The following KCNIP4 variants were observed in gnomAD, a reference collection of about 807,000 sequenced individuals.
KCNIP4 encodes the protein potassium voltage-gated channel interacting protein 4.
A neutral mutation model predicts 34.0 loss-of-function variants in KCNIP4; 12 were observed. The ratio of observed to expected loss-of-function variants is 0.35; its 90% CI spans 0.23 to 0.57. The LOEUF (loss-of-function observed/expected upper bound fraction) is 0.57, where lower values mean the gene tolerates loss of function less well. Ranked by LOEUF, KCNIP4 falls within the 20% of genes least tolerant of loss-of-function variation. The probability of loss-of-function intolerance (pLI) is 0.83; values close to 1 mark genes in which losing one functional copy is unlikely to be tolerated. For synonymous variants in KCNIP4, 124 were observed against 102.2 expected, an observed-to-expected ratio of 1.21 and a Z score of -1.29; for missense variants, 238 against 311.7, an observed-to-expected ratio of 0.76 and a Z score of 1.78.
intron 1 of KCNIP4, among the ~76,000 whole-genome samples, chr4:21,435,813 G>C (rs1226887612): frequency 2.0e-5 from 3 of 152,000 alleles, no homozygotes; most frequent in Non-Finnish European, 4.4e-5. Context: ...TGTTATCAAC[G>C]ACTTCTACTG....
chr4:21,110,002 C>A (rs541957394), intron 1 of KCNIP4, among the ~76,000 whole-genome samples: 1 of 152,114 alleles, frequency 6.6e-6, no homozygotes, highest in Admixed American at 6.5e-5. Flanking sequence ...AGGGATGACA[C>A]CAAGCCTTCT....
At chr4:21,876,226 T>G (rs1165406388) in intron 1 of KCNIP4, among the ~76,000 whole-genome samples, 1 of 152,214 alleles carries the variant, frequency 6.6e-6, no homozygotes, top group South Asian at 2.1e-4. Flanking sequence ...CTGTAATTTT[T>G]AACTATATCT....
intron 1 of KCNIP4, among the ~76,000 whole-genome samples, chr4:21,689,535 G>A (rs1449828482): frequency 1.3e-5 from 2 of 152,082 alleles, no homozygotes; most frequent in African/African-American, 4.8e-5. Flanking sequence ...AAAGATGGCT[G>A]GGGGTTGAGC....
At chr4:21,265,099 AAAT>A (rs35177944) in intron 1 of KCNIP4, among the ~76,000 whole-genome samples, 7,852 of 150,974 alleles carry the variant, frequency 0.052, 217 homozygotes, top group African/African-American at 0.076. Context: ...ACTCTGCCTC[AAAT>A]AATAATAATA....
chr4:21,875,291 C>A (rs962068227), intron 1 of KCNIP4, among the ~76,000 whole-genome samples: 3 of 152,176 alleles, frequency 2.0e-5, no homozygotes, highest in African/African-American at 7.2e-5. Flanking sequence ...GAGCCAACTG[C>A]TGCAAATAGA....
chr4:21,303,810 C>A (rs1235078608), intron 1 of KCNIP4: 1 of 1,613,628 alleles, frequency 6.2e-7, no homozygotes, highest in Non-Finnish European at 8.5e-7. Flanking sequence ...CCCTTACCTT[C>A]TAAACCTGCT....
chr4:21,660,319 C>T (rs1234268371), intron 1 of KCNIP4, among the ~76,000 whole-genome samples: 1 of 152,106 alleles, frequency 6.6e-6, no homozygotes, highest in African/African-American at 2.4e-5. Flanking sequence ...AGATAAGAAA[C>T]ATTCAATAAA....
intron 1 of KCNIP4, among the ~76,000 whole-genome samples, chr4:21,751,332 T>C (rs1157476411): frequency 2.0e-5 from 3 of 152,178 alleles, no homozygotes; most frequent in Non-Finnish European, 4.4e-5. Flanking sequence ...AATATGGATA[T>C]ATGAACTGAA....
At chr4:21,808,310 A>T (rs985120058) in intron 1 of KCNIP4, among the ~76,000 whole-genome samples, 4 of 152,126 alleles carry the variant, frequency 2.6e-5, no homozygotes, top group East Asian at 3.9e-4. Flanking sequence ...GCCACACCTT[A>T]GATAGGAAGA....
intron 1 of KCNIP4, among the ~76,000 whole-genome samples, chr4:21,152,299 C>T (rs975130953): frequency 1.3e-5 from 2 of 152,046 alleles, no homozygotes; most frequent in African/African-American, 4.8e-5. Context: ...GACCCTACAT[C>T]CCCTTCTAAC....
chr4:21,020,026 T>C (rs938200618), intron 1 of KCNIP4, among the ~76,000 whole-genome samples: 9 of 152,170 alleles, frequency 5.9e-5, no homozygotes, highest in Admixed American at 4.6e-4. Flanking sequence ...CAGAGAGTAT[T>C]TTAAAAATCA....
At chr4:21,247,785 TATACACCACAGGTGG>T in intron 1 of KCNIP4, among the ~76,000 whole-genome samples, 1 of 99,100 alleles carries the variant, frequency 1.0e-5, no homozygotes, top group Non-Finnish European at 1.9e-5. Context: ...TTTTTATATA[TATACACCACAGGTGG>T]ATATATATAT....
chr4:21,501,688 T>TTGTGTGTGTA (rs1553893353), intron 1 of KCNIP4, among the ~76,000 whole-genome samples: 2 of 127,218 alleles, frequency 1.6e-5, no homozygotes, highest in East Asian at 2.2e-4. Flanking sequence ...TGCAGAAGCC[T>TTGTGTGTGTA]TGTGTGTGTG....
rs188894936 is a variant in KCNIP4, at chr4:20,814,260, T to C, written c.288+36283A>G. Among the ~76,000 whole-genome samples, 62 of 152,304 alleles carry C rather than the reference T, an allele frequency of 4.1e-4. No individual in the cohort carries two copies. The East Asian group carries it at 7.3e-3, about 18-fold the overall frequency. ...CATTAATGTTTGAGAACCACTGATA[T>C]TTAGGACTTATCTGAAGCCACCTCA... On this transcript the variant is annotated intron_variant, in intron 3 of 8. Transcript: ENST00000382152.
chr4:21,026,482 C>T (rs1313856590), intron 1 of KCNIP4, among the ~76,000 whole-genome samples: 1 of 151,926 alleles, frequency 6.6e-6, no homozygotes, highest in East Asian at 1.9e-4. Flanking sequence ...GGTGAAACCC[C>T]TTCTCAACAA....
In KCNIP4 at chr4:21,422,878, T is replaced by C. The variant is rs191757652; in HGVS notation, c.61+525693A>G. The stretch of plus-strand genomic sequence containing the variant: ...GTAAGGGCTCCAGAGTCCCAAGAAA[T>C]GTTGTGACCACTGGTTGACCAGAAG... On this transcript the variant is annotated intron_variant, in intron 1 of 8. Transcript: ENST00000382152. Among the ~76,000 whole-genome samples the C allele has an allele frequency of 7.5e-4, 114 of 152,158 alleles. 2 individuals are homozygous for C. The East Asian group carries it at 0.014, about 18-fold the overall frequency.
intron 1 of KCNIP4, among the ~76,000 whole-genome samples, chr4:21,310,889 A>C (rs1713084388): frequency 6.6e-6 from 1 of 152,150 alleles, no homozygotes; most frequent in Admixed American, 6.5e-5. Context: ...CGACCTCCCA[A>C]AGTGCTGGGA....
rs1412365111 is a variant in KCNIP4, at chr4:21,325,116, CATAAT to C, written c.62-442412_62-442408del. The stretch of plus-strand genomic sequence containing the variant: ...TATTGACTTTGTATCCTGCAACTCA[CATAAT>C]ATGAGTTTGGAAGTATTCCCTCCTC... On this transcript the variant is annotated intron_variant, in intron 1 of 8. Coordinates refer to ENST00000382152, the MANE Select transcript of KCNIP4 (RefSeq NM_025221.6). Among the ~76,000 whole-genome samples the C allele has an allele frequency of 3.9e-5, 6 of 151,958 alleles. No individual in the cohort carries two copies. The East Asian group carries it at 9.7e-4, about 24-fold the overall frequency.
chr4:21,915,307 G>A (rs565542018), intron 1 of KCNIP4, among the ~76,000 whole-genome samples: 7 of 152,282 alleles, frequency 4.6e-5, no homozygotes, highest in African/African-American at 1.7e-4. Flanking sequence ...GTAAAAAAGA[G>A]TGACACACAA....
Sources: allele counts gnomAD v4.1 joint callset (sites outside exome capture counted in the v4.1 genomes callset), GRCh38; gene constraint gnomAD v4.1.1; transcripts MANE v1.5; gene names NCBI Gene and HGNC (gene_info 2026-07-23, HGNC 2026-07-21).